PKDREJ: variants seen among roughly 807,000 people sequenced by gnomAD.
PKDREJ encodes the protein polycystin family receptor for egg jelly.
For missense variants in PKDREJ, 2,507 were observed against 2,807.2 expected (o/e 0.89, Z 2.42); for synonymous variants, 1,031 against 1,095.5 (o/e 0.94, Z 1.16).
chr22:46,262,075 C>T lies in PKDREJ; in HGVS notation c.1248G>A (p.Leu416=). Residue 416 remains leucine (L), a synonymous_variant, in exon 1 of 1, where the codon CTG becomes CTA. Transcript: ENST00000253255. The surrounding 1 kb of genome is among the most constrained non-coding windows in gnomAD (Gnocchi z 8.1). The stretch of plus-strand genomic sequence containing the variant: ...CTTTAAGTGTTTCTGGCAAAAGTGT[C>T]AGTACAGGGCCCGAGGCCCAGGGCC... ...LKWPWASGPV[L]TLLPETLKGD... The T allele has an allele frequency of 6.2e-7, 1 of 1,614,148 alleles. No homozygotes were observed. Among genetic ancestry groups the T allele is most frequent in the Non-Finnish European group, 8.5e-7 (1 of 1,180,034 alleles).
Position 46,256,662 on chromosome 22 carries a change from T to G in PKDREJ, c.6661A>C (p.Ile2221Leu). 1 of 1,614,200 alleles carries G rather than the reference T, an allele frequency of 6.2e-7. No homozygotes were observed. Residue 2221 changes from isoleucine to leucine, a missense_variant, in exon 1 of 1, where the codon ATT becomes CTT. Transcript: ENST00000253255. This position sits in a 1 kb window ranked among gnomAD's most constrained non-coding sequence, Gnocchi z 5.3. ...TCTGGCTGCCCATACAGCATGTCAA[T>G]AAAGAACTCAGGCTCATCTTTGGCC... ...SKAKDEPEFF[I>L]DMLYGQPEKN...
chr22:46,257,368 G>T lies in PKDREJ; in HGVS notation c.5955C>A (p.Ile1985=). The T allele has an allele frequency of 1.2e-6, 2 of 1,614,022 alleles. No homozygotes were observed. Among genetic ancestry groups the T allele is most frequent in the South Asian group, 1.1e-5 (1 of 91,040 alleles). Residue 1985 remains isoleucine, a synonymous_variant, in exon 1 of 1, where the codon ATC becomes ATA. Transcript: ENST00000253255. This position sits in a 1 kb window ranked among gnomAD's most constrained non-coding sequence, Gnocchi z 4.7. ...CATAGGAGGCTCTTTCTTGCATAAT[G>T]ATACAACCCTCATCAACAACGTAGG... ...FLAYVVDEGC[I]IMQERASYVR... is the part of the protein sequence containing the mutation.
chr22:46,261,643 G>T lies in PKDREJ; in HGVS notation c.1680C>A (p.Gly560=), dbSNP rs569301693. 1.9e-5 allele frequency: 30 copies of T among 1,613,654 alleles called. No individual in the cohort carries two copies. In the South Asian group the frequency reaches 3.1e-4, roughly 17 times the overall value. Residue 560 remains glycine (G), a synonymous_variant, in exon 1 of 1, where the codon GGC becomes GGA. Coordinates refer to ENST00000253255, the MANE Select transcript of PKDREJ (RefSeq NM_006071.2). This position sits in a 1 kb window ranked among gnomAD's most constrained non-coding sequence, Gnocchi z 7.1. ...TAATTTTGCATTCTCCGATCTGAGG[G>T]CCATGGTTAATAATAAAAGAATGCC... ...VFRHSFIINH[G]PQIGECKINP...
chr22:46,260,589 T>A lies in PKDREJ; in HGVS notation c.2734A>T (p.Asn912Tyr), dbSNP rs1161720304. Residue 912 changes from asparagine (N) to tyrosine (Y), a missense_variant, in exon 1 of 1, where the codon AAT (asparagine) becomes TAT (tyrosine). Physicochemically the swap from Asn to Tyr is moderately radical, Grantham distance 143. Coordinates refer to ENST00000253255, the MANE Select transcript of PKDREJ (RefSeq NM_006071.2). The surrounding 1 kb of genome is among the most constrained non-coding windows in gnomAD (Gnocchi z 4.5). Reference sequence around the variant, plus strand: ...TCATTTAACCAAGGAAAGAGGTCATTTGTGAAATCACAAAACATTGTAGAA... The same window carrying A: ...TCATTTAACCAAGGAAAGAGGTCATATGTGAAATCACAAAACATTGTAGAA... ...PISTMFCDFT[N>Y]DLFPWLNDQE... is the part of the protein sequence containing the mutation. The A allele has an allele frequency of 1.2e-6, 2 of 1,614,060 alleles. No individual in the cohort carries two copies. The highest frequency in any genetic ancestry group is 3.3e-5 in the Admixed American group (2 of 59,996).
rs555030684 is a variant in PKDREJ, at chr22:46,256,551, C to T, written c.*10G>A. On this transcript the variant is annotated 3_prime_UTR_variant, in exon 1 of 1. Coordinates refer to ENST00000253255, the MANE Select transcript of PKDREJ (RefSeq NM_006071.2). The surrounding 1 kb of genome is among the most constrained non-coding windows in gnomAD (Gnocchi z 5.3). Reference sequence around the variant, plus strand: ...GAACGCTTGCTTGTGACTCATGAAACCATCATTCATCAAACAACAAGGTAA... The same window carrying T: ...GAACGCTTGCTTGTGACTCATGAAATCATCATTCATCAAACAACAAGGTAA... 1 of 1,604,622 alleles carries T rather than the reference C, an allele frequency of 6.2e-7. No homozygotes were observed. The highest frequency in any genetic ancestry group is 8.5e-7 in the Non-Finnish European group (1 of 1,176,032).
Position 46,262,581 on chromosome 22 carries a change from C to A in PKDREJ, c.742G>T (p.Asp248Tyr). Residue 248 changes from aspartate to tyrosine, a missense_variant, in exon 1 of 1, where the codon GAC becomes TAC. Asp to Tyr is a radical substitution (Grantham distance 160). Transcript: ENST00000253255. This position sits in a 1 kb window ranked among gnomAD's most constrained non-coding sequence, Gnocchi z 8.1. The part of the protein sequence containing the change: ...EATINASVQL[D>Y]CPAARAIAQY... Reference sequence around the variant, plus strand: ...GCGATGGCGCGCGCGGCCGGGCAGTCCAGCTGCACCGAGGCGTTGATGGTG... The same window carrying A: ...GCGATGGCGCGCGCGGCCGGGCAGTACAGCTGCACCGAGGCGTTGATGGTG... 1 of 1,609,722 alleles carries A rather than the reference C, an allele frequency of 6.2e-7. No individual in the cohort carries two copies. The highest frequency in any genetic ancestry group is 8.5e-7 in the Non-Finnish European group (1 of 1,178,324).
chr22:46,260,655 T>G lies in PKDREJ; in HGVS notation c.2668A>C (p.Asn890His). 1 of 1,614,008 alleles carries G rather than the reference T, an allele frequency of 6.2e-7. No individual in the cohort carries two copies. Among genetic ancestry groups the G allele is most frequent in the South Asian group, 1.1e-5 (1 of 91,086 alleles). Residue 890 changes from asparagine to histidine, a missense_variant, in exon 1 of 1, where the codon AAT becomes CAT. Physicochemically the swap from Asn to His is moderately conservative, Grantham distance 68 (BLOSUM62 1). Coordinates refer to ENST00000253255, the MANE Select transcript of PKDREJ (RefSeq NM_006071.2). The surrounding 1 kb of genome is among the most constrained non-coding windows in gnomAD (Gnocchi z 4.5). The stretch of plus-strand genomic sequence containing the variant: ...GACAGACCAGGAACACTGCTCACAT[T>G]GAGTGTTGGATAAAAACAATTTCTG... ...HCRNCFYPTLNVSSVPGLSAN... is the reference protein window; with the variant it reads ...HCRNCFYPTLHVSSVPGLSAN...
In PKDREJ at chr22:46,263,196, TGAG is replaced by T; in HGVS notation, c.124_126del (p.Leu42del). 1.5e-6 allele frequency: 2 copies of T among 1,309,556 alleles called. No individual in the cohort carries two copies. Among genetic ancestry groups the T allele is most frequent in the South Asian group, 1.5e-5 (1 of 65,886 alleles). The allele number at this position is 1,309,556 out of a possible 1,614,324, so 81.1% of individuals were successfully genotyped here. A position where few individuals can be genotyped will look rare whatever the true frequency, so the allele number is the denominator to read the frequency against. On this transcript the variant is annotated inframe_deletion, in exon 1 of 1. Coordinates refer to ENST00000253255, the MANE Select transcript of PKDREJ (RefSeq NM_006071.2). The surrounding 1 kb of genome is among the most constrained non-coding windows in gnomAD (Gnocchi z 9.4). ...CGCACCCCGAGGCCCGGGGCGCCCC[TGAG>T]GAGGCCACCGGGCGCCCCGGAGACG...
At position 46,256,885 on chromosome 22, in the gene PKDREJ, A is replaced by G. The variant is rs779372655; in HGVS notation, c.6438T>C (p.Ile2146=). ...AAGATGAGAGGAACAGGACCCCCAGAATCCTGTTATTGGAAAATTCAGTGT... is the reference window on the plus strand; with the variant it reads ...AAGATGAGAGGAACAGGACCCCCAGGATCCTGTTATTGGAAAATTCAGTGT... The part of the protein sequence containing the change: ...FQNTEFSNNR[I]LGVLFLSSFM... Residue 2146 remains isoleucine, a synonymous_variant, in exon 1 of 1, where the codon ATT becomes ATC. Coordinates refer to ENST00000253255, the MANE Select transcript of PKDREJ (RefSeq NM_006071.2). The surrounding 1 kb of genome is among the most constrained non-coding windows in gnomAD (Gnocchi z 5.3). 17 of 1,613,910 alleles carry G rather than the reference A, an allele frequency of 1.1e-5. No homozygotes were observed. In the African/African-American group the frequency reaches 2.1e-4, roughly 20 times the overall value.
At position 46,262,828 on chromosome 22, in the gene PKDREJ, G is replaced by A; in HGVS notation, c.495C>T (p.Arg165=). Residue 165 remains arginine (R), a synonymous_variant, in exon 1 of 1, where the codon CGC becomes CGT. Transcript: ENST00000253255. The surrounding 1 kb of genome is among the most constrained non-coding windows in gnomAD (Gnocchi z 8.1). ...PASPAARVSP[R]SAAPGPRPQQ... is the part of the protein sequence containing the mutation. ...GGGGCCGCGGGCCTGGCGCGGCGGA[G>A]CGCGGGGAGACGCGGGCCGCGGGGG... 8.0e-7 allele frequency: 1 copy of A among 1,243,274 alleles called. No individual in the cohort carries two copies. Among genetic ancestry groups the A allele is most frequent in the Non-Finnish European group, 1.0e-6 (1 of 987,406 alleles). The allele number at this position is 1,243,274 out of a possible 1,614,324, so 77.0% of individuals were successfully genotyped here. A position where few individuals can be genotyped will look rare whatever the true frequency, so the allele number is the denominator to read the frequency against.
In PKDREJ at chr22:46,262,614, C is replaced by G; in HGVS notation, c.709G>C (p.Ala237Pro). The G allele has an allele frequency of 1.2e-6, 2 of 1,612,862 alleles. No individual in the cohort carries two copies. Among genetic ancestry groups the G allele is most frequent in the South Asian group, 2.2e-5 (2 of 91,026 alleles). ...KGAPVRLSMQAEATINASVQL... is the reference protein window; with the variant it reads ...KGAPVRLSMQPEATINASVQL... ...ACCGAGGCGTTGATGGTGGCCTCCGCCTGCATGCTCAGGCGCACGGGGGCG... is the reference window on the plus strand; with the variant it reads ...ACCGAGGCGTTGATGGTGGCCTCCGGCTGCATGCTCAGGCGCACGGGGGCG... The change falls in exon 1 of 1, where the codon GCG becomes CCG. Residue 237 changes from alanine (A) to proline (P), a missense_variant. Ala to Pro is a conservative substitution (Grantham distance 27). Transcript: ENST00000253255. This position sits in a 1 kb window ranked among gnomAD's most constrained non-coding sequence, Gnocchi z 8.1.
In PKDREJ at chr22:46,260,377, T is replaced by G. The variant is rs754432013; in HGVS notation, c.2946A>C (p.Thr982=). The part of the protein sequence containing the change: ...SEVDGSLKKT[T]GGFSFQVDST... ...TGTCCACTTGAAAGCTAAACCCACC[T>G]GTCGTCTTCTTCAAGGACCCATCAA... The change falls in exon 1 of 1, where the codon ACA becomes ACC. Residue 982 remains threonine, a synonymous_variant. Transcript: ENST00000253255. This position sits in a 1 kb window ranked among gnomAD's most constrained non-coding sequence, Gnocchi z 4.5. 6 of 1,614,126 alleles carry G rather than the reference T, an allele frequency of 3.7e-6. No homozygotes were observed. Among genetic ancestry groups the G allele is most frequent in the Admixed American group, 1.7e-5 (1 of 60,012 alleles).
Position 46,261,579 on chromosome 22 carries a change from C to A in PKDREJ, c.1744G>T (p.Val582Phe). Residue 582 changes from valine to phenylalanine, a missense_variant, in exon 1 of 1, where the codon GTC becomes TTC. Val to Phe is a conservative substitution (Grantham distance 50). Transcript: ENST00000253255. This position sits in a 1 kb window ranked among gnomAD's most constrained non-coding sequence, Gnocchi z 7.1. Reference sequence around the variant, plus strand: ...TTATCCCTAAAATTACTACACTGGACAACAAATTTAGTAATAAGTGCAATT... The same window carrying A: ...TTATCCCTAAAATTACTACACTGGAAAACAAATTTAGTAATAAGTGCAATT... ...KGIALITKFV[V>F]QCSNFRDKHV... is the part of the protein sequence containing the mutation. 6.2e-7 allele frequency: 1 copy of A among 1,613,848 alleles called. No individual in the cohort carries two copies. The highest frequency in any genetic ancestry group is 8.5e-7 in the Non-Finnish European group (1 of 1,179,774).
Position 46,262,368 on chromosome 22 carries a change from G to C in PKDREJ, c.955C>G (p.Pro319Ala). Reference protein sequence around the residue: ...VSITTGNPKMPEVKDSDAVYV... With the variant: ...VSITTGNPKMAEVKDSDAVYV... ...ACGGCGTCCGAGTCTTTCACCTCGG[G>C]CATCTTGGGGTTCCCTGTGGTGATG... The change falls in exon 1 of 1, where the codon CCC (proline) becomes GCC (alanine). Residue 319 changes from proline to alanine, a missense_variant. Physicochemically the swap from Pro to Ala is conservative, Grantham distance 27. Coordinates refer to ENST00000253255, the MANE Select transcript of PKDREJ (RefSeq NM_006071.2). The surrounding 1 kb of genome is among the most constrained non-coding windows in gnomAD (Gnocchi z 8.1). 1.2e-6 allele frequency: 2 copies of C among 1,614,160 alleles called. No individual in the cohort carries two copies. The highest frequency in any genetic ancestry group is 8.5e-7 in the Non-Finnish European group (1 of 1,180,012).
chr22:46,261,052 C>T lies in PKDREJ; in HGVS notation c.2271G>A (p.Met757Ile), dbSNP rs770061985. Residue 757 changes from methionine (M) to isoleucine (I), a missense_variant, in exon 1 of 1, where the codon ATG becomes ATA. Physicochemically the swap from Met to Ile is conservative, Grantham distance 10. Coordinates refer to ENST00000253255, the MANE Select transcript of PKDREJ (RefSeq NM_006071.2). The surrounding 1 kb of genome is among the most constrained non-coding windows in gnomAD (Gnocchi z 7.1). The stretch of plus-strand genomic sequence containing the variant: ...GTTTCTGGGTTAATTTGGTAATAGT[C>T]ATGACTACCTGGCCAATTTCTACCA... ...STLVEIGQVVMTITKLTQKPS... is the reference protein window; with the variant it reads ...STLVEIGQVVITITKLTQKPS... 1.9e-6 allele frequency: 3 copies of T among 1,614,184 alleles called. No homozygotes were observed. The highest frequency in any genetic ancestry group is 1.1e-5 in the South Asian group (1 of 91,076).
chr22:46,263,234 G>T lies in PKDREJ; in HGVS notation c.89C>A (p.Ala30Glu). The change falls in exon 1 of 1, where the codon GCA (alanine) becomes GAA (glutamate). Residue 30 changes from alanine to glutamate, a missense_variant. Transcript: ENST00000253255. The surrounding 1 kb of genome is among the most constrained non-coding windows in gnomAD (Gnocchi z 9.4). ...GGGCGCCCCGGAGACGGCGGCTTGT[G>T]CCCCGCGAGGAACCGGCGGCAGCGG... ...RLPLPPVPRGAQAAVSGAPGG... is the reference protein window; with the variant it reads ...RLPLPPVPRGEQAAVSGAPGG... 6 of 1,459,584 alleles carry T rather than the reference G, an allele frequency of 4.1e-6. No homozygotes were observed. Among genetic ancestry groups the T allele is most frequent in the Non-Finnish European group, 4.5e-6 (5 of 1,112,960 alleles). The allele number at this position is 1,459,584 out of a possible 1,614,324, so 90.4% of individuals were successfully genotyped here.
rs142780467 is a variant in PKDREJ at position 46,261,150 on chromosome 22, G to T, written c.2173C>A (p.Pro725Thr). The change falls in exon 1 of 1, where the codon CCT becomes ACT. Residue 725 changes from proline (P) to threonine (T), a missense_variant. Physicochemically the swap from Pro to Thr is conservative, Grantham distance 38. Transcript: ENST00000253255. The surrounding 1 kb of genome is among the most constrained non-coding windows in gnomAD (Gnocchi z 7.1). ...SVLNNMKTEL[P>T]LRDDRVNLRK... ...AGATTGACTCTGTCATCTCGGAGAG[G>T]TAATTCAGTTTTCATGTTATTCAAA... 4 of 1,614,038 alleles carry T rather than the reference G, an allele frequency of 2.5e-6. No individual in the cohort carries two copies.
At position 46,260,787 on chromosome 22, in the gene PKDREJ, CT is replaced by C; in HGVS notation, c.2535del (p.Val846CysfsTer9). ...ESLSDTILAN[K>X]VPGNKTTSMR... ...ATTGAGGTGGTTTTGTTCCCTGGCA[CT>C]TTATTAGCCAGTATTGTGTCTGATA... On this transcript the variant is annotated frameshift_variant, in exon 1 of 1. Transcript: ENST00000253255. LOFTEE classifies it low-confidence loss of function (END_TRUNC). This position sits in a 1 kb window ranked among gnomAD's most constrained non-coding sequence, Gnocchi z 4.5. 1 of 1,614,032 alleles carries C rather than the reference CT, an allele frequency of 6.2e-7. No individual in the cohort carries two copies. The highest frequency in any genetic ancestry group is 1.1e-5 in the South Asian group (1 of 91,076).
At position 46,262,429 on chromosome 22, in the gene PKDREJ, T is replaced by C; in HGVS notation, c.894A>G (p.Leu298=). 6.2e-7 allele frequency: 1 copy of C among 1,610,630 alleles called. No homozygotes were observed. The highest frequency in any genetic ancestry group is 2.2e-5 in the East Asian group (1 of 44,850). Residue 298 remains leucine (L), a synonymous_variant, in exon 1 of 1, where the codon TTA becomes TTG. Coordinates refer to ENST00000253255, the MANE Select transcript of PKDREJ (RefSeq NM_006071.2). This position sits in a 1 kb window ranked among gnomAD's most constrained non-coding sequence, Gnocchi z 8.1. ...PLFIHIPNNS[L]QWGVYVFNFT... is the part of the protein sequence containing the mutation. ...AATTAAACACATACACTCCCCACTG[T>C]AACGAATTATTGGGGATGTGAATGA...
Sources: allele counts gnomAD v4.1 joint callset, GRCh38; gene constraint gnomAD v4.1.1; non-coding constraint Gnocchi (gnomAD v3.1); transcripts MANE v1.5; gene names NCBI Gene and HGNC (gene_info 2026-07-23, HGNC 2026-07-21).